TESK2: variants seen among roughly 807,000 people sequenced by gnomAD.
The protein encoded by TESK2 is testis associated actin remodelling kinase 2.
A neutral mutation model predicts 57.1 loss-of-function variants in TESK2; 39 were observed. That is an observed-to-expected ratio of 0.68 (90% CI 0.53 to 0.89). TESK2 has a LOEUF of 0.89. Among genes scored for constraint, TESK2 ranks in the 40% least tolerant of loss-of-function variants. TESK2 has a pLI of 0.00. For synonymous variants in TESK2, 249 were observed against 267.9 expected (o/e 0.93, Z 0.69); for missense variants, 646 against 732.1 (o/e 0.88, Z 1.36).
chr1:45,434,273 G>A (rs571666559), intron 2 of TESK2, among the ~76,000 whole-genome samples: 1 of 152,074 alleles, frequency 6.6e-6, no homozygotes, highest in East Asian at 1.9e-4. Flanking sequence ...GAGATCACAG[G>A]CACTGGCCAC....
chr1:45,370,057 T>C (rs1648112769), intron 4 of TESK2, among the ~76,000 whole-genome samples: 1 of 151,904 alleles, frequency 6.6e-6, no homozygotes, highest in African/African-American at 2.4e-5. Flanking sequence ...ATATTCTAGG[T>C]TGAAGAAACC....
chr1:45,361,692 CAAGAAA>C (rs1647692749), intron 4 of TESK2, among the ~76,000 whole-genome samples: 1 of 152,138 alleles, frequency 6.6e-6, no homozygotes, highest in Non-Finnish European at 1.5e-5. Flanking sequence ...TACTAAAATG[CAAGAAA>C]TCATATGCCA....
chr1:45,457,525 A>T (rs1242107329), intron 2 of TESK2, 39 bp downstream of exon 2: 2 of 1,585,148 alleles, frequency 1.3e-6, no homozygotes, highest in African/African-American at 2.7e-5. Flanking sequence ...AAATGTGACC[A>T]CAGCAAGACA....
intron 1 of TESK2, among the ~76,000 whole-genome samples, chr1:45,471,539 G>C (rs1011898198): frequency 5.9e-5 from 9 of 151,894 alleles, no homozygotes; most frequent in African/African-American, 2.2e-4. Context: ...CCGAGTGGCT[G>C]GGACTACAGG....
At chr1:45,418,837 T>G (rs1303462577) in intron 3 of TESK2, among the ~76,000 whole-genome samples, 12 of 152,192 alleles carry the variant, frequency 7.9e-5, no homozygotes, top group Admixed American at 7.9e-4. Context: ...TCAAGGTTCA[T>G]TATTATGCAC....
At chr1:45,488,287 T>G (rs971268294) in intron 1 of TESK2, among the ~76,000 whole-genome samples, 4 of 152,286 alleles carry the variant, frequency 2.6e-5, no homozygotes. Flanking sequence ...GCCATAATAC[T>G]CAAGTCAGAA....
At chr1:45,484,244 G>A (rs1471924260) in intron 1 of TESK2, among the ~76,000 whole-genome samples, 1 of 151,254 alleles carries the variant, frequency 6.6e-6, no homozygotes, top group African/African-American at 2.4e-5. Flanking sequence ...GAGTAACTGA[G>A]ATTACAGGCA....
intron 9 of TESK2, 144 bp downstream of exon 9, chr1:45,346,549 G>A: frequency 1.5e-6 from 1 of 655,832 alleles, no homozygotes; most frequent in Non-Finnish European, 2.7e-6. Context: ...CTGCCAGAGG[G>A]AGGAGGAGGA....
intron 1 of TESK2, among the ~76,000 whole-genome samples, chr1:45,464,252 C>A (rs1239371648): frequency 6.6e-6 from 1 of 151,654 alleles, no homozygotes; most frequent in African/African-American, 2.4e-5. Flanking sequence ...ATGGTGAAAC[C>A]CCGTCTCTAC....
At position 45,452,032 on chromosome 1, in the gene TESK2, C is replaced by CAAA. The variant is rs566363776; in HGVS notation, c.222+5529_222+5531dup. 2.6e-3 allele frequency among the ~76,000 whole-genome samples: 265 copies of CAAA among 103,850 alleles called. 13 individuals carry two copies. The highest frequency in any genetic ancestry group is 8.5e-3 in the African/African-American group (200 of 23,646). 68.1% of individuals were successfully genotyped at this position (103,850 alleles called of 152,430 possible). A position where few individuals can be genotyped will look rare whatever the true frequency, so the allele number is the denominator to read the frequency against. On this transcript the variant is annotated intron_variant, in intron 2 of 10. Transcript: ENST00000372086. ...TGGGAGACAGAACAAGACTCCGTCTCAAAAAAAAAAAAAAATTTATTTGGT... is the reference window on the plus strand; with the variant it reads ...TGGGAGACAGAACAAGACTCCGTCTCAAAAAAAAAAAAAAAAAATTTATTTGGT...
intron 1 of TESK2, among the ~76,000 whole-genome samples, chr1:45,479,366 TC>T (rs1164211930): frequency 6.6e-6 from 1 of 152,074 alleles, no homozygotes; most frequent in Admixed American, 6.6e-5. Context: ...CATGAAATTG[TC>T]CAAGGAAAAC....
At chr1:45,443,095 C>T (rs1316933047) in intron 2 of TESK2, among the ~76,000 whole-genome samples, 2 of 151,288 alleles carry the variant, frequency 1.3e-5, no homozygotes, top group Non-Finnish European at 2.9e-5. Flanking sequence ...TTCATTATTT[C>T]TAAGAAGCTA....
chr1:45,421,943 G>A (rs1650497223), intron 2 of TESK2, 97 bp from the exon 3 acceptor site: 6 of 1,340,902 alleles, frequency 4.5e-6, no homozygotes, highest in Non-Finnish European at 6.2e-6. Flanking sequence ...ATATTTTTGT[G>A]CCACTTTAGA....
chr1:45,447,948 AAAGACATCAAAG>A (rs1279778992), intron 2 of TESK2, among the ~76,000 whole-genome samples: 1 of 152,046 alleles, frequency 6.6e-6, no homozygotes, highest in Non-Finnish European at 1.5e-5. Flanking sequence ...AACTCTGATG[AAAGACATCAAAG>A]AAGAACTAAA....
intron 1 of TESK2, among the ~76,000 whole-genome samples, chr1:45,480,196 C>T (rs2149307473): frequency 6.6e-6 from 1 of 151,688 alleles, no homozygotes; most frequent in Non-Finnish European, 1.5e-5. Flanking sequence ...CATGGTGGCT[C>T]ACACCTGTAA....
chr1:45,384,323 C>CCATGTATGTATG (rs556693124), intron 4 of TESK2, among the ~76,000 whole-genome samples: 148 of 150,262 alleles, frequency 9.8e-4, no homozygotes, highest in African/African-American at 3.5e-3. Flanking sequence ...GGGTCTCACT[C>CCATGTATGTATG]TATGTATGTA....
chr1:45,461,624 AAG>A (rs1466796020), intron 1 of TESK2, among the ~76,000 whole-genome samples: 2 of 152,220 alleles, frequency 1.3e-5, no homozygotes, highest in African/African-American at 4.8e-5. Context: ...AGAGACAGAA[AAG>A]AAAAAAGAAA....
intron 1 of TESK2, among the ~76,000 whole-genome samples, chr1:45,469,053 AG>A (rs1443505610): frequency 2.0e-5 from 3 of 152,148 alleles, no homozygotes; most frequent in African/African-American, 7.2e-5. Context: ...TTTTCTACAT[AG>A]GTAGGTTTGT....
chr1:45,474,128 G>C (rs943831611), intron 1 of TESK2, among the ~76,000 whole-genome samples: 23 of 152,074 alleles, frequency 1.5e-4, no homozygotes, highest in Non-Finnish European at 1.5e-5. Flanking sequence ...GACCTCAGGA[G>C]TTCGAGACCA....
Sources: allele counts gnomAD v4.1 joint callset (sites outside exome capture counted in the v4.1 genomes callset), GRCh38; gene constraint gnomAD v4.1.1; transcripts MANE v1.5; gene names NCBI Gene and HGNC (gene_info 2026-07-23, HGNC 2026-07-21).